The following DLGAP2 variants were observed in gnomAD, a reference collection of about 807,000 sequenced individuals.
The protein encoded by DLGAP2 is DLG associated protein 2, also known as disks large-associated protein 2.
A neutral mutation model predicts 100.3 loss-of-function variants in DLGAP2; 26 were observed. The ratio of observed to expected loss-of-function variants is 0.26; its 90% CI spans 0.19 to 0.36. The LOEUF (loss-of-function observed/expected upper bound fraction) is 0.36, where lower values mean the gene tolerates loss of function less well. Ranked by LOEUF, DLGAP2 falls within the 10% of genes least tolerant of loss-of-function variation. The pLI, the probability that DLGAP2 is intolerant of heterozygous loss-of-function variation, is 1.00. For synonymous variants in DLGAP2, 886 were observed against 630.1 expected (o/e 1.41, Z -6.08); for missense variants, 1,858 against 1,453.2 (o/e 1.28, Z -4.53).
chr8:1,021,554 T>C (rs1001751648), intron 2 of DLGAP2, among the ~76,000 whole-genome samples: 3 of 152,200 alleles, frequency 2.0e-5, no homozygotes, highest in African/African-American at 7.2e-5. Context: ...CAGACACCTG[T>C]CTTGGCTGTC....
chr8:1,488,579 C>G (rs1391278289), intron 3 of DLGAP2, among the ~76,000 whole-genome samples: 1 of 152,094 alleles, frequency 6.6e-6, no homozygotes. Flanking sequence ...CTGCCCAGGC[C>G]AAGAGGTGAG....
intron 8 of DLGAP2, among the ~76,000 whole-genome samples, chr8:1,636,453 A>T (rs900099014): frequency 6.6e-6 from 1 of 152,248 alleles, no homozygotes; most frequent in Non-Finnish European, 1.5e-5. Flanking sequence ...TAGAGGAGAA[A>T]AATTATCTCT....
At chr8:911,439 T>C (rs868076785) in intron 2 of DLGAP2, among the ~76,000 whole-genome samples, 4 of 152,178 alleles carry the variant, frequency 2.6e-5, no homozygotes. Flanking sequence ...AGGATGGTTG[T>C]ATAATGTATG....
At chr8:1,607,848 G>T (rs12375386) in intron 6 of DLGAP2, among the ~76,000 whole-genome samples, 1 of 150,510 alleles carries the variant, frequency 6.6e-6, no homozygotes. Flanking sequence ...AAAAAACGGC[G>T]CACCACGAGA....
chr8:1,455,314 C>T (rs1175752782), intron 3 of DLGAP2, among the ~76,000 whole-genome samples: 2 of 152,230 alleles, frequency 1.3e-5, no homozygotes, highest in Non-Finnish European at 2.9e-5. Flanking sequence ...TCTGGAGCTG[C>T]CTGCCTGCAG....
At chr8:903,778 G>A (rs771371989) in intron 1 of DLGAP2, among the ~76,000 whole-genome samples, 3 of 152,190 alleles carry the variant, frequency 2.0e-5, no homozygotes, top group Non-Finnish European at 4.4e-5. Context: ...GACCTTATTT[G>A]GAAATAGAGT....
chr8:1,069,041 A>T (rs575314830), intron 2 of DLGAP2, among the ~76,000 whole-genome samples: 2 of 152,306 alleles, frequency 1.3e-5, no homozygotes, highest in East Asian at 3.9e-4. Flanking sequence ...AACAAACATT[A>T]AAAATCCCCG....
At chr8:742,575 C>T (rs747866845) in intron 1 of DLGAP2, among the ~76,000 whole-genome samples, 1 of 152,212 alleles carries the variant, frequency 6.6e-6, no homozygotes, top group Non-Finnish European at 1.5e-5. Flanking sequence ...CTGGCATGAT[C>T]ATAGCTAACT....
chr8:1,101,676 A>T (rs1379009892), intron 2 of DLGAP2, among the ~76,000 whole-genome samples: 2 of 151,290 alleles, frequency 1.3e-5, no homozygotes, highest in Admixed American at 6.6e-5. Context: ...CCCTGAGCCG[A>T]ACACGACACG....
chr8:1,496,122 C>T (rs755678437), intron 3 of DLGAP2, among the ~76,000 whole-genome samples: 13 of 152,170 alleles, frequency 8.5e-5, no homozygotes. Flanking sequence ...GTAAGTCTAC[C>T]CTAAGGCTAT....
At chr8:1,188,248 C>T (rs1204424358) in intron 2 of DLGAP2, among the ~76,000 whole-genome samples, 1 of 137,452 alleles carries the variant, frequency 7.3e-6, no homozygotes, top group South Asian at 2.4e-4. Flanking sequence ...ACGTTTCCCT[C>T]ACGGAATCTC....
chr8:1,455,485 C>G (rs949858830), intron 3 of DLGAP2, among the ~76,000 whole-genome samples: 3 of 152,216 alleles, frequency 2.0e-5, no homozygotes, highest in African/African-American at 7.2e-5. Context: ...GCCTAGACAG[C>G]TTTGCCCGTG....
chr8:1,688,802 G>T (rs1425917678), intron 12 of DLGAP2, among the ~76,000 whole-genome samples: 3 of 152,184 alleles, frequency 2.0e-5, no homozygotes, highest in Admixed American at 1.3e-4. Context: ...TCTAAAAAAT[G>T]AGGGAGGCAC....
At chr8:900,141 T>A (rs1320399978) in intron 1 of DLGAP2, among the ~76,000 whole-genome samples, 1 of 149,000 alleles carries the variant, frequency 6.7e-6, no homozygotes, top group Non-Finnish European at 1.5e-5. Context: ...GGGTGGACGG[T>A]GGTGCCCTGC....
At chr8:1,280,778 C>G (rs529321508) in intron 3 of DLGAP2, among the ~76,000 whole-genome samples, 4 of 152,308 alleles carry the variant, frequency 2.6e-5, no homozygotes, top group African/African-American at 9.6e-5. Context: ...GGTTGCCATG[C>G]AAGCTTCGTG....
chr8:1,687,298 G>A (rs1252045678), intron 12 of DLGAP2, among the ~76,000 whole-genome samples: 3 of 152,222 alleles, frequency 2.0e-5, no homozygotes, highest in Non-Finnish European at 2.9e-5. Flanking sequence ...AGAGCCAAGT[G>A]TGTTAATCAA....
At chr8:778,215 C>T (rs1315998797) in intron 1 of DLGAP2, among the ~76,000 whole-genome samples, 1 of 152,116 alleles carries the variant, frequency 6.6e-6, no homozygotes, top group Non-Finnish European at 1.5e-5. Flanking sequence ...TTAAGCACTT[C>T]TCTGTATTGG....
At chr8:1,365,291 C>G (rs1291536155) in intron 3 of DLGAP2, among the ~76,000 whole-genome samples, 1 of 152,134 alleles carries the variant, frequency 6.6e-6, no homozygotes, top group Non-Finnish European at 1.5e-5. Flanking sequence ...GGCTCAGGTG[C>G]TGAGCCTGGG....
intron 6 of DLGAP2, among the ~76,000 whole-genome samples, chr8:1,579,588 C>G (rs1323399673): frequency 6.6e-6 from 1 of 151,702 alleles, no homozygotes; most frequent in East Asian, 1.9e-4. Flanking sequence ...CCTTACAAAT[C>G]AATAAAGAAA....
Sources: gnomAD v4.1 joint callset for allele counts (sites outside exome capture counted in the v4.1 genomes callset) on GRCh38, gnomAD v4.1.1 for gene constraint, MANE v1.5 for transcripts, NCBI Gene and HGNC (gene_info 2026-07-23, HGNC 2026-07-21) for gene names.